The following RBMS3 variants were observed in gnomAD, a reference collection of about 807,000 sequenced individuals.
RBMS3 encodes the protein RNA binding motif single stranded interacting protein 3, also known as RNA-binding motif, single-stranded-interacting protein 3.
Under a neutral mutation model 66.8 loss-of-function variants are expected in RBMS3, and 27 were observed. That is an observed-to-expected ratio of 0.40 (90% confidence interval 0.30 to 0.56). RBMS3 has a LOEUF of 0.56. RBMS3 is among the 20% of genes least tolerant of loss of function. RBMS3 has a pLI of 0.40. For synonymous variants in RBMS3, 188 were observed against 183.0 expected (o/e 1.03, Z -0.22); for missense variants, 513 against 549.5 (o/e 0.93, Z 0.66).
At chr3:29,717,215 C>T (rs569454754) in intron 4 of RBMS3, among the ~76,000 whole-genome samples, 1 of 152,138 alleles carries the variant, frequency 6.6e-6, no homozygotes, top group South Asian at 2.1e-4. Context: ...TAATGCAACG[C>T]ACAGTGCTCA....
chr3:29,503,788 G>A (rs530673961), intron 3 of RBMS3, among the ~76,000 whole-genome samples: 10 of 152,146 alleles, frequency 6.6e-5, no homozygotes, highest in East Asian at 5.8e-4. Flanking sequence ...TTTGCAATAG[G>A]TGCCTATAAA....
chr3:29,347,699 C>G (rs1289963570), intron 1 of RBMS3, among the ~76,000 whole-genome samples: 1 of 152,052 alleles, frequency 6.6e-6, no homozygotes, highest in Admixed American at 6.5e-5. Flanking sequence ...AATTACAATT[C>G]AAGTGGTTTG....
At chr3:29,603,519 A>C (rs2149121119) in intron 4 of RBMS3, among the ~76,000 whole-genome samples, 1 of 152,082 alleles carries the variant, frequency 6.6e-6, no homozygotes, top group East Asian at 1.9e-4. Flanking sequence ...CTCTTGACTG[A>C]GAGGAAAATT....
intron 4 of RBMS3, among the ~76,000 whole-genome samples, chr3:29,729,366 T>A (rs901551335): frequency 6.6e-6 from 1 of 152,176 alleles, no homozygotes; most frequent in Non-Finnish European, 1.5e-5. Flanking sequence ...ATGTGCCACA[T>A]TTTCTTAATC....
chr3:29,676,233 C>T (rs147241645), intron 4 of RBMS3, among the ~76,000 whole-genome samples: 7,748 of 152,070 alleles, frequency 0.051, 692 homozygotes, highest in African/African-American at 0.18. Context: ...AATGAGAACA[C>T]TTGGACACAG....
At chr3:29,373,864 G>C (rs530316730) in intron 1 of RBMS3, among the ~76,000 whole-genome samples, 1 of 152,162 alleles carries the variant, frequency 6.6e-6, no homozygotes, top group Non-Finnish European at 1.5e-5. Flanking sequence ...GATGACTGTG[G>C]AATGTTTAGA....
intron 8 of RBMS3, 72 bp from the exon 9 acceptor site, chr3:29,897,307 C>A: frequency 7.4e-7 from 1 of 1,346,750 alleles, no homozygotes; most frequent in Non-Finnish European, 1.1e-6. Context: ...CCCATAGGTA[C>A]TTGATAGCAT....
intron 4 of RBMS3, among the ~76,000 whole-genome samples, chr3:29,718,158 T>G (rs950814610): frequency 2.0e-5 from 3 of 152,112 alleles, no homozygotes; most frequent in Admixed American, 6.6e-5. Flanking sequence ...TCAATAATTG[T>G]AATGATAAAA....
intron 4 of RBMS3, among the ~76,000 whole-genome samples, chr3:29,714,728 A>G (rs528694565): frequency 6.8e-6 from 1 of 146,740 alleles, no homozygotes; most frequent in Non-Finnish European, 1.5e-5. Flanking sequence ...AGATATCCAC[A>G]GATGCATGTG....
chr3:29,744,090 G>A (rs929542166), intron 5 of RBMS3, among the ~76,000 whole-genome samples: 2 of 151,810 alleles, frequency 1.3e-5, no homozygotes, highest in Non-Finnish European at 2.9e-5. Flanking sequence ...GAGAACTATT[G>A]CTTTAAAGTT....
chr3:29,494,245 A>G (rs1287695700), intron 3 of RBMS3, among the ~76,000 whole-genome samples: 2 of 152,244 alleles, frequency 1.3e-5, no homozygotes, highest in African/African-American at 4.8e-5. Flanking sequence ...TAGCATTTAA[A>G]AGAAAAGCTT....
intron 1 of RBMS3, among the ~76,000 whole-genome samples, chr3:29,432,848 C>T (rs755545059): frequency 1.8e-4 from 27 of 152,170 alleles, no homozygotes; most frequent in Non-Finnish European, 3.4e-4. Context: ...GTTGGGAGTA[C>T]CACAGTGTCT....
At chr3:29,812,057 G>A (rs183089881) in intron 6 of RBMS3, among the ~76,000 whole-genome samples, 30 of 152,278 alleles carry the variant, frequency 2.0e-4, no homozygotes, top group Admixed American at 1.2e-3. Context: ...GACATAAGAT[G>A]TTAAAGTGGG....
At chr3:29,500,974 G>T (rs1022860950) in intron 3 of RBMS3, among the ~76,000 whole-genome samples, 5 of 151,988 alleles carry the variant, frequency 3.3e-5, no homozygotes, top group East Asian at 1.9e-4. Flanking sequence ...ATGTAAAAAG[G>T]AATCTTGAAA....
chr3:29,844,314 T>G (rs1187609060), intron 6 of RBMS3, among the ~76,000 whole-genome samples: 1 of 152,190 alleles, frequency 6.6e-6, no homozygotes. Context: ...TCCATGATTC[T>G]GATAAAATGA....
chr3:29,913,168 G>A (rs932915074), intron 10 of RBMS3, among the ~76,000 whole-genome samples: 5 of 151,970 alleles, frequency 3.3e-5, no homozygotes, highest in African/African-American at 7.2e-5. Flanking sequence ...GGCAGCAAAC[G>A]GAACTGATAG....
At chr3:29,883,071 T>G (rs1426909883) in intron 7 of RBMS3, among the ~76,000 whole-genome samples, 2 of 152,084 alleles carry the variant, frequency 1.3e-5, no homozygotes, top group Non-Finnish European at 2.9e-5. Context: ...AAAAAAAATC[T>G]ACCCTAAAGA....
At chr3:29,959,194 A>G (rs1367419290) in intron 12 of RBMS3, among the ~76,000 whole-genome samples, 1 of 152,238 alleles carries the variant, frequency 6.6e-6, no homozygotes, top group East Asian at 1.9e-4. Context: ...GATAATGACA[A>G]TACTCACAGA....
At chr3:29,446,527 A>T (rs1236448852) in intron 2 of RBMS3, among the ~76,000 whole-genome samples, 1 of 152,144 alleles carries the variant, frequency 6.6e-6, no homozygotes, top group Non-Finnish European at 1.5e-5. Context: ...TTACAATATG[A>T]ATATTCATGG....
Sources: gnomAD v4.1 joint callset for allele counts (sites outside exome capture counted in the v4.1 genomes callset) on GRCh38, gnomAD v4.1.1 for gene constraint, MANE v1.5 for transcripts, NCBI Gene and HGNC (gene_info 2026-07-23, HGNC 2026-07-21) for gene names.